Variants in MED22 observed in about 807,000 individuals in gnomAD.
The protein encoded by MED22 is mediator of RNA polymerase II transcription subunit 22.
MED22 carries 22 observed loss-of-function variants against 22.7 expected under a neutral mutation model. That is an observed-to-expected ratio of 0.97 (90% CI 0.69 to 1.38). The LOEUF is 1.38. MED22 is among the 40% of genes most tolerant of loss of function. The pLI is 0.00. For synonymous variants in MED22, 134 were observed against 119.4 expected (o/e 1.12, Z -0.80); for missense variants, 247 against 263.0 (o/e 0.94, Z 0.42).
chr9:133,338,842 G>T lies in MED22; in HGVS notation c.*2663C>A, dbSNP rs1285616844. 4.9e-6 allele frequency: 2 copies of T among 405,300 alleles called. No individual in the cohort carries two copies. 25.1% of individuals were successfully genotyped at this position (405,300 alleles called of 1,614,324 possible). On this transcript the variant is annotated 3_prime_UTR_variant, in exon 5 of 5. Transcript: ENST00000343730. ...GATCCACCCGCTTTGGCTTCTCAAA[G>T]TGCTGGGATTACAGCAGGAGCCACT...
At chr9:133,342,293 C>T in intron 4 of MED22, 5 of 986,176 alleles carry the variant, frequency 5.1e-6, no homozygotes, top group Non-Finnish European at 6.0e-6. Flanking sequence ...AGGTGAAGAG[C>T]TCAGCTAGCC....
Position 133,345,244 on chromosome 9 carries a change from G to A in MED22, c.132C>T (p.Asp44=), listed in dbSNP as rs2129964479. ...TEIIKTAKIE[D]ETQVSRATQG... is the part of the protein sequence containing the mutation. The stretch of plus-strand genomic sequence containing the variant: ...GAGTGGCCCGTGACACCTGCGTCTC[G>A]TCCTCAATCTGGGGGAAAACAAGAA... The change falls in exon 3 of 5, where the codon GAC becomes GAT. Residue 44 remains aspartate (D), a synonymous_variant. Coordinates refer to ENST00000343730, the MANE Select transcript of MED22 (RefSeq NM_133640.5). 41 of 1,613,662 alleles carry A rather than the reference G, an allele frequency of 2.5e-5. No individual in the cohort carries two copies. The highest frequency in any genetic ancestry group is 4.5e-5 in the East Asian group (2 of 44,874).
rs2129969619 is a variant in MED22, at chr9:133,346,680, C to T, written c.-18G>A. ...TGGGCCATGGCCGAGCCTCAAGCAG[C>T]GCAGCGGGGAGACCTGGGACCTAGA... On this transcript the variant is annotated 5_prime_UTR_variant, in exon 2 of 5. Coordinates refer to ENST00000343730, the MANE Select transcript of MED22 (RefSeq NM_133640.5). 1.9e-6 allele frequency: 3 copies of T among 1,609,274 alleles called. No homozygotes were observed. Among genetic ancestry groups the T allele is most frequent in the East Asian group, 2.2e-5 (1 of 44,884 alleles).
Position 133,339,812 on chromosome 9 carries a change from G to A in MED22, c.*1693C>T, listed in dbSNP as rs2129943765. On this transcript the variant is annotated 3_prime_UTR_variant, in exon 5 of 5. Coordinates refer to ENST00000343730, the MANE Select transcript of MED22 (RefSeq NM_133640.5). ...CAAAACCTGTCTGACGTAGGCCCAA[G>A]AGAGAACTGCAAATGGTTATCAGCT... 1 of 164,138 alleles carries A rather than the reference G, an allele frequency of 6.1e-6. No homozygotes were observed. The highest frequency in any genetic ancestry group is 1.8e-4 in the East Asian group (1 of 5,590). The allele number at this position is 164,138 out of a possible 1,614,324, so 10.2% of individuals were successfully genotyped here.
At position 133,344,169 on chromosome 9, in the gene MED22, GATCTC is replaced by G; in HGVS notation, c.364_368del (p.Glu122LeufsTer3). ...CCTCCAGCTCGTAGAGGTCAATGGA[GATCTC>G]GTCTCGCAGCGTGATGAGCTTCCGG... is the stretch of plus-strand genomic sequence containing the variant. On this transcript the variant is annotated frameshift_variant, in exon 4 of 5. Coordinates refer to ENST00000343730, the MANE Select transcript of MED22 (RefSeq NM_133640.5). LOFTEE classifies it high-confidence loss of function. 1.9e-6 allele frequency: 3 copies of G among 1,614,228 alleles called. No homozygotes were observed. Among genetic ancestry groups the G allele is most frequent in the Non-Finnish European group, 2.5e-6 (3 of 1,180,040 alleles).
Position 133,347,988 on chromosome 9 carries a change from C to G in MED22, c.-105G>C. The G allele has an allele frequency of 1.8e-6, 1 of 548,746 alleles. No homozygotes were observed. Among genetic ancestry groups the G allele is most frequent in the Non-Finnish European group, 3.3e-6 (1 of 304,908 alleles). 34.0% of individuals were successfully genotyped at this position (548,746 alleles called of 1,614,324 possible). On this transcript the variant is annotated 5_prime_UTR_variant, in exon 1 of 5. Transcript: ENST00000343730. ...CGGCCTAGGGCGGGGTGGTCAAGTG[C>G]CTCTGCGACCCGCACTTTCCCGCGT... is the stretch of plus-strand genomic sequence containing the variant.
rs1835988308 is a variant in MED22, at chr9:133,341,062, A to C, written c.*443T>G. 1 of 157,308 alleles carries C rather than the reference A, an allele frequency of 6.4e-6. No homozygotes were observed. Among genetic ancestry groups the C allele is most frequent in the Non-Finnish European group, 1.4e-5 (1 of 71,400 alleles). The allele number at this position is 157,308 out of a possible 1,614,324, so 9.7% of individuals were successfully genotyped here. On this transcript the variant is annotated 3_prime_UTR_variant, in exon 5 of 5. Transcript: ENST00000343730. ...ACATATGTGGCTCAGGGCAAGAACC[A>C]GTGGATGGGGCTCTGCACAGGAACG...
chr9:133,344,238 C>G lies in MED22; in HGVS notation c.300G>C (p.Gln100His). 1 of 1,614,246 alleles carries G rather than the reference C, an allele frequency of 6.2e-7. No individual in the cohort carries two copies. Among genetic ancestry groups the G allele is most frequent in the South Asian group, 1.1e-5 (1 of 91,088 alleles). The change falls in exon 4 of 5, where the codon CAG becomes CAC. Residue 100 changes from glutamine to histidine, a missense_variant. Transcript: ENST00000343730. The stretch of plus-strand genomic sequence containing the variant: ...GCAGTGTGCGCAGCTGCTGGTTGCG[C>G]TGGTCAATGGCCTCGTTCACGGAGG... Reference protein sequence around the residue: ...DFPSVNEAIDQRNQQLRTLQE... With the variant: ...DFPSVNEAIDHRNQQLRTLQE...
At chr9:133,346,206 C>T (rs185698140) in intron 2 of MED22, among the ~76,000 whole-genome samples, 1 of 152,158 alleles carries the variant, frequency 6.6e-6, no homozygotes, top group African/African-American at 2.4e-5. Flanking sequence ...AGGCCCCCCC[C>T]CACTTCTCCC....
At chr9:133,343,343 G>A in intron 4 of MED22, 1 of 1,230,452 alleles carries the variant, frequency 8.1e-7, no homozygotes, top group Non-Finnish European at 1.0e-6. Flanking sequence ...GGGCAGAGTG[G>A]AAGGCCTCCC....
chr9:133,343,463 G>A (rs1242164335), intron 4 of MED22: 5 of 1,229,682 alleles, frequency 4.1e-6, no homozygotes, highest in Non-Finnish European at 5.1e-6. Context: ...AGCCCCACAA[G>A]GGTCAGGATG....
In MED22 at chr9:133,341,335, T is replaced by G; in HGVS notation, c.*170A>C. 1.7e-6 allele frequency: 1 copy of G among 585,828 alleles called. No individual in the cohort carries two copies. Among genetic ancestry groups the G allele is most frequent in the Non-Finnish European group, 2.7e-6 (1 of 364,304 alleles). 36.3% of individuals were successfully genotyped at this position (585,828 alleles called of 1,614,324 possible). A position where few individuals can be genotyped will look rare whatever the true frequency, so the allele number is the denominator to read the frequency against. ...GCTAGGGAAACAACTGTTTCCCTAC[T>G]GTCCTGGCGGGACCCACCCTGGGCT... On this transcript the variant is annotated 3_prime_UTR_variant, in exon 5 of 5. Transcript: ENST00000343730.
Position 133,346,667 on chromosome 9 carries a change from G to T in MED22, c.-5C>A. The stretch of plus-strand genomic sequence containing the variant: ...CAGGGCTCTCTGCTGGGCCATGGCC[G>T]AGCCTCAAGCAGCGCAGCGGGGAGA... On this transcript the variant is annotated 5_prime_UTR_variant, in exon 2 of 5. Coordinates refer to ENST00000343730, the MANE Select transcript of MED22 (RefSeq NM_133640.5). The T allele has an allele frequency of 1.2e-6, 2 of 1,610,776 alleles. No individual in the cohort carries two copies. The highest frequency in any genetic ancestry group is 8.5e-7 in the Non-Finnish European group (1 of 1,179,918).
In MED22 at chr9:133,342,052, C is replaced by T. The variant is rs2129951958; in HGVS notation, c.414-358G>A. 10 of 1,102,470 alleles carry T rather than the reference C, an allele frequency of 9.1e-6. No individual in the cohort carries two copies. The African/African-American group carries it at 1.7e-4, about 19-fold the overall frequency. 68.3% of individuals were successfully genotyped at this position (1,102,470 alleles called of 1,614,324 possible). On this transcript the variant is annotated intron_variant, in intron 4 of 4. Transcript: ENST00000343730. ...TCTTGCAAAAAGCTGTCAGCCTGGC[C>T]ACCCTCCCTCCTCCCTGACTGCAGA...
rs2129952644 is a variant in MED22 at position 133,342,269 on chromosome 9, G to A, written c.414-575C>T. 1.5e-5 allele frequency: 15 copies of A among 986,082 alleles called. No homozygotes were observed. In the East Asian group the frequency reaches 3.4e-4, roughly 22 times the overall value. The allele number at this position is 986,082 out of a possible 1,614,324, so 61.1% of individuals were successfully genotyped here. On this transcript the variant is annotated intron_variant, in intron 4 of 4. Transcript: ENST00000343730. ...CACCTCTAACACGGGGAATCCTCAC[G>A]GCAGCCAGGATGCAGGTGAAGAGCT...
rs1455122699 is a variant in MED22 at position 133,338,952 on chromosome 9, T to C, written c.*2553A>G. 6.2e-6 allele frequency: 4 copies of C among 648,668 alleles called. No individual in the cohort carries two copies. In the East Asian group the frequency reaches 1.3e-4, roughly 21 times the overall value. 40.2% of individuals were successfully genotyped at this position (648,668 alleles called of 1,614,324 possible). The stretch of plus-strand genomic sequence containing the variant: ...CACAATAAAAACAGGCATAAAAGCC[T>C]TTCAGCTGGAACCGCCACCTTCCAG... On this transcript the variant is annotated 3_prime_UTR_variant, in exon 5 of 5. Transcript: ENST00000343730.
chr9:133,347,853 CCACCCACCCCCACTCCCGCCCACA>C (rs918733046), intron 1 of MED22, 45 bp downstream of exon 1: 7 of 146,004 alleles, frequency 4.8e-5, no homozygotes, highest in East Asian at 2.1e-4. Context: ...GCCTACGCAC[CCACCCACCCCCACTCCCGCCCACA>C]CACCCACCCC....
Position 133,341,378 on chromosome 9 carries a change from A to C in MED22, c.*127T>G. On this transcript the variant is annotated 3_prime_UTR_variant, in exon 5 of 5. Transcript: ENST00000343730. Reference sequence around the variant, plus strand: ...CCTGGGCTAACGGGCTTCCCAAGGAAGTCCTAGTGGCTCTGGGGTCCTGAA... The same window carrying C: ...CCTGGGCTAACGGGCTTCCCAAGGACGTCCTAGTGGCTCTGGGGTCCTGAA... The C allele has an allele frequency of 3.8e-6, 4 of 1,052,616 alleles. No homozygotes were observed. The highest frequency in any genetic ancestry group is 3.9e-6 in the Non-Finnish European group (3 of 776,070). The allele number at this position is 1,052,616 out of a possible 1,614,324, so 65.2% of individuals were successfully genotyped here.
rs2129948914 is a variant in MED22, at chr9:133,341,536, G to A, written c.572C>T (p.Ala191Val). 2 of 1,538,772 alleles carry A rather than the reference G, an allele frequency of 1.3e-6. No homozygotes were observed. The highest frequency in any genetic ancestry group is 1.7e-6 in the Non-Finnish European group (2 of 1,153,128). Residue 191 changes from alanine to valine, a missense_variant, in exon 5 of 5, where the codon GCT (alanine) becomes GTT (valine). By Grantham distance (64) the Ala-to-Val change is moderately conservative. Transcript: ENST00000343730. ...LQVAAPAHSHAGGPGPTEHA is the reference protein window; with the variant it reads ...LQVAAPAHSHVGGPGPTEHA ...GTGCTCAGTGGGGCCAGGGCCACCA[G>A]CATGGGAGTGGGCAGGGGCTGCCAC...
Sources: allele counts gnomAD v4.1 joint callset (sites outside exome capture counted in the v4.1 genomes callset), GRCh38; gene constraint gnomAD v4.1.1; transcripts MANE v1.5; gene names NCBI Gene and HGNC (gene_info 2026-07-23, HGNC 2026-07-21).